Variants in FRMD3 observed in about 807,000 individuals in gnomAD.
FRMD3 encodes the protein FERM domain-containing protein 3.
FRMD3 carries 33 observed loss-of-function variants against 70.2 expected under a neutral mutation model. The observed-to-expected ratio is 0.47, with a 90% CI of 0.36 to 0.63. The LOEUF (loss-of-function observed/expected upper bound fraction) is 0.63. Among genes scored for constraint, FRMD3 ranks in the 20% least tolerant of loss-of-function variants. The pLI, the probability that FRMD3 is intolerant of heterozygous loss-of-function variation, is 0.00. For synonymous variants in FRMD3, 279 were observed against 255.9 expected, an observed-to-expected ratio of 1.09 and a Z score of -0.86; for missense variants, 632 against 711.4, an observed-to-expected ratio of 0.89 and a Z score of 1.27.
At chr9:83,502,594 A>G (rs1286075910) in intron 1 of FRMD3, among the ~76,000 whole-genome samples, 1 of 152,174 alleles carries the variant, frequency 6.6e-6, no homozygotes, top group African/African-American at 2.4e-5. Context: ...GGTGTTCCAG[A>G]AGAGGTGGGC....
At chr9:83,299,016 C>T in intron 11 of FRMD3, 96 bp downstream of exon 11, 1 of 1,022,234 alleles carries the variant, frequency 9.8e-7, no homozygotes, top group Admixed American at 1.8e-5. Context: ...CAAACAGAGG[C>T]ACAAGCCAAA....
At chr9:83,501,643 T>C (rs1359683489) in intron 1 of FRMD3, among the ~76,000 whole-genome samples, 2 of 152,210 alleles carry the variant, frequency 1.3e-5, no homozygotes, top group Admixed American at 1.3e-4. Context: ...GCCAGAACAT[T>C]AGAATATTAC....
chr9:83,388,666 A>G (rs1302295577), intron 2 of FRMD3, among the ~76,000 whole-genome samples: 1 of 152,200 alleles, frequency 6.6e-6, no homozygotes, highest in Admixed American at 6.5e-5. Flanking sequence ...AACAGATACC[A>G]AAAAGGGTAG....
At chr9:83,355,392 C>T (rs1004946250) in intron 3 of FRMD3, among the ~76,000 whole-genome samples, 1 of 152,172 alleles carries the variant, frequency 6.6e-6, no homozygotes, top group Non-Finnish European at 1.5e-5. Flanking sequence ...AGCATGGTCA[C>T]CCCATGGGAG....
rs892204067 is a variant in FRMD3, at chr9:83,393,603, G to T, written c.148-3895C>A. Among the ~76,000 whole-genome samples, 8 of 151,928 alleles carry T rather than the reference G, an allele frequency of 5.3e-5. No individual in the cohort carries two copies. In the East Asian group the frequency reaches 1.5e-3, roughly 29 times the overall value. ...GAGCTTGTTTTCCTGCAACTAACTG[G>T]GGGTGGTGGGAGACAGTGACAGATC... On this transcript the variant is annotated intron_variant, in intron 1 of 13. Transcript: ENST00000304195.
At chr9:83,256,777 T>C (rs1487675159) in intron 13 of FRMD3, among the ~76,000 whole-genome samples, 1 of 152,088 alleles carries the variant, frequency 6.6e-6, no homozygotes, top group East Asian at 1.9e-4. Flanking sequence ...TCAACATCCC[T>C]GATCATTAGA....
chr9:83,479,053 A>G (rs963214573), intron 1 of FRMD3, among the ~76,000 whole-genome samples: 6 of 152,116 alleles, frequency 3.9e-5, no homozygotes, highest in African/African-American at 1.4e-4. Flanking sequence ...AATTATATAA[A>G]AAACTATACA....
chr9:83,331,678 T>C (rs968785056), intron 6 of FRMD3, among the ~76,000 whole-genome samples: 1 of 152,150 alleles, frequency 6.6e-6, no homozygotes, highest in Non-Finnish European at 1.5e-5. Flanking sequence ...AGGCTATGCA[T>C]GTGTGGGAAA....
chr9:83,276,177 C>T (rs1258035940), intron 13 of FRMD3: 2 of 152,174 alleles, frequency 1.3e-5, no homozygotes, highest in African/African-American at 4.8e-5. Flanking sequence ...CCCAAGATTT[C>T]CTGGAGGGGA....
chr9:83,523,248 G>A (rs566438649), intron 1 of FRMD3, among the ~76,000 whole-genome samples: 2 of 152,200 alleles, frequency 1.3e-5, no homozygotes, highest in East Asian at 3.9e-4. Flanking sequence ...GAGTGGATGA[G>A]TGGATGGGTG....
chr9:83,387,920 T>A (rs1825557185), intron 2 of FRMD3, among the ~76,000 whole-genome samples: 1 of 152,084 alleles, frequency 6.6e-6, no homozygotes, highest in Admixed American at 6.6e-5. Flanking sequence ...TACGCAAACA[T>A]CTAAGGTGAT....
intron 1 of FRMD3, among the ~76,000 whole-genome samples, chr9:83,513,968 C>G (rs1829395812): frequency 6.6e-6 from 1 of 152,230 alleles, no homozygotes; most frequent in African/African-American, 2.4e-5. Flanking sequence ...TCACAACCTG[C>G]AGACCAGGAG....
At chr9:83,424,476 T>C (rs1168847344) in intron 1 of FRMD3, among the ~76,000 whole-genome samples, 1 of 152,234 alleles carries the variant, frequency 6.6e-6, no homozygotes, top group Non-Finnish European at 1.5e-5. Context: ...GCAGCTGTGT[T>C]TCTAGAAGAT....
chr9:83,243,450 G>A (rs1404200021), downstream of FRMD3, among the ~76,000 whole-genome samples: 2 of 152,158 alleles, frequency 1.3e-5, no homozygotes, highest in African/African-American at 4.8e-5. Context: ...CCTCTATTTG[G>A]CTAAGGAGAA....
At position 83,418,877 on chromosome 9, in the gene FRMD3, C is replaced by T. The variant is rs868145977; in HGVS notation, c.148-29169G>A. On this transcript the variant is annotated intron_variant, in intron 1 of 13. Transcript: ENST00000304195. ...CAATTGCGAAGCCTTTGTGAACCAA[C>T]CTAAGTGCCCATCAACTAATGAGTG... is the stretch of plus-strand genomic sequence containing the variant. Among the ~76,000 whole-genome samples the T allele has an allele frequency of 2.6e-5, 4 of 152,268 alleles. No homozygotes were observed. The East Asian group carries it at 5.8e-4, about 22-fold the overall frequency.
At chr9:83,252,040 C>T (rs533393372) in intron 13 of FRMD3, among the ~76,000 whole-genome samples, 1 of 152,242 alleles carries the variant, frequency 6.6e-6, no homozygotes, top group South Asian at 2.1e-4. Flanking sequence ...GTACATTACT[C>T]CACAAGAAGA....
At chr9:83,311,513 G>A (rs981498198) in intron 8 of FRMD3, among the ~76,000 whole-genome samples, 2 of 152,192 alleles carry the variant, frequency 1.3e-5, no homozygotes, top group African/African-American at 2.4e-5. Flanking sequence ...CAACAGAGGA[G>A]AAGAGTGGAA....
chr9:83,316,726 T>C (rs1361222709), intron 6 of FRMD3, among the ~76,000 whole-genome samples: 2 of 152,338 alleles, frequency 1.3e-5, no homozygotes, highest in Middle Eastern at 3.4e-3. Flanking sequence ...GACACAGTCA[T>C]TATAATTTTT....
In FRMD3 at chr9:83,251,142, G is replaced by A. The variant is rs1832401200; in HGVS notation, c.1196-2626C>T. Among the ~76,000 whole-genome samples the A allele has an allele frequency of 2.6e-5, 4 of 152,318 alleles. No individual in the cohort carries two copies. In the South Asian group the frequency reaches 8.3e-4, roughly 32 times the overall value. ...AACAAGTCAGTACACCCCTGGGATG[G>A]AGCTTCCAGTGGAAGAAGCTGGCTG... On this transcript the variant is annotated intron_variant, in intron 13 of 13. Transcript: ENST00000304195.
Sources: allele counts gnomAD v4.1 joint callset (sites outside exome capture counted in the v4.1 genomes callset), GRCh38; gene constraint gnomAD v4.1.1; transcripts MANE v1.5; gene names NCBI Gene and HGNC (gene_info 2026-07-23, HGNC 2026-07-21).